SYMPK: variants seen among roughly 807,000 people sequenced by gnomAD.
SYMPK encodes the protein symplekin scaffold protein.
In SYMPK, 49 loss-of-function variants were observed where a neutral mutation model predicts 136.4. The observed-to-expected ratio is 0.36, with a 90% CI of 0.29 to 0.46. The LOEUF (loss-of-function observed/expected upper bound fraction) is 0.46. SYMPK is among the 20% of genes least tolerant of loss of function. The probability of loss-of-function intolerance (pLI) is 1.00; values close to 1 mark genes in which losing one functional copy is unlikely to be tolerated. For synonymous variants in SYMPK, 766 were observed against 713.0 expected (o/e 1.07, Z -1.19); for missense variants, 1,365 against 1,690.0 (o/e 0.81, Z 3.37).
At chr19:45,853,209 G>T (rs898082193) in intron 3 of SYMPK, among the ~76,000 whole-genome samples, 1 of 152,176 alleles carries the variant, frequency 6.6e-6, no homozygotes, top group Non-Finnish European at 1.5e-5. Flanking sequence ...GGAGCCGAAC[G>T]GGTTCTCACA....
chr19:45,834,947 C>T (rs1449431780), intron 11 of SYMPK, 131 bp downstream of exon 11: 3 of 792,848 alleles, frequency 3.8e-6, no homozygotes, highest in Non-Finnish European at 5.5e-6. Flanking sequence ...ATCTGTGGTA[C>T]CTGTCATTAT....
intron 5 of SYMPK, among the ~76,000 whole-genome samples, chr19:45,849,828 C>G (rs1971654773): frequency 6.6e-6 from 1 of 151,900 alleles, no homozygotes; most frequent in African/African-American, 2.4e-5. Flanking sequence ...GGTGGGTCAC[C>G]TGAGGTCAGG....
chr19:45,861,862 C>G (rs887151986), intron 1 of SYMPK: 3 of 151,804 alleles, frequency 2.0e-5, no homozygotes, highest in Non-Finnish European at 4.4e-5. Context: ...CTGGCCAACA[C>G]AGAGAAACCC....
At chr19:45,834,161 G>A (rs570030469) in intron 11 of SYMPK, among the ~76,000 whole-genome samples, 6 of 152,232 alleles carry the variant, frequency 3.9e-5, no homozygotes, top group South Asian at 2.1e-4. Context: ...GGTGGCAGGC[G>A]CCTGTAGTCC....
At chr19:45,828,203 G>A (rs1334426958) in intron 14 of SYMPK, 1 of 379,644 alleles carries the variant, frequency 2.6e-6, no homozygotes, top group African/African-American at 2.1e-5. Flanking sequence ...ATGATGGCGG[G>A]TGGAGAAGGG....
intron 1 of SYMPK, among the ~76,000 whole-genome samples, chr19:45,860,984 G>A (rs191282476): frequency 6.6e-6 from 1 of 152,330 alleles, no homozygotes; most frequent in African/African-American, 2.4e-5. Flanking sequence ...TTACCACTAT[G>A]CTACAGTACT....
In SYMPK at chr19:45,815,574, T is replaced by G; in HGVS notation, c.3811A>C (p.Lys1271Gln). 6.4e-7 allele frequency: 1 copy of G among 1,551,936 alleles called. No homozygotes were observed. The highest frequency in any genetic ancestry group is 8.7e-7 in the Non-Finnish European group (1 of 1,145,484). Reference protein sequence around the residue: ...AAEDAREPEAKGNS With the variant: ...AAEDAREPEAQGNS ...CTCGAGCCCCGTCAGCTGTTCCCCT[T>G]GGCCTCGGGTTCCCTGGCGTCCTCG... The change falls in exon 27 of 27, where the codon AAG becomes CAG. Residue 1271 changes from lysine (K) to glutamine (Q), a missense_variant. Transcript: ENST00000245934.
rs1185684465 is a variant in SYMPK, at chr19:45,823,683, G to A, written c.2599+84C>T. The A allele has an allele frequency of 1.1e-5, 14 of 1,251,402 alleles. 1 individual carries two copies. In the Admixed American group the frequency reaches 2.6e-4, roughly 24 times the overall value. 77.5% of individuals were successfully genotyped at this position (1,251,402 alleles called of 1,614,324 possible). ...CCCGCAAGAGGTACGACCATCTGGG[G>A]ACCCAGCAGCTCAGATCCCCAGGGC... On this transcript the variant is annotated intron_variant, in intron 19 of 26. Transcript: ENST00000245934.
At chr19:45,817,249 G>C in intron 23 of SYMPK, 1 of 447,514 alleles carries the variant, frequency 2.2e-6, no homozygotes. Context: ...AAGTGCTGCG[G>C]GAGCACCTCT....
intron 3 of SYMPK, among the ~76,000 whole-genome samples, chr19:45,852,912 T>C (rs1971730661): frequency 6.6e-6 from 1 of 152,114 alleles, no homozygotes; most frequent in African/African-American, 2.4e-5. Context: ...GTCCATCAGT[T>C]CTCCCCACTC....
intron 9 of SYMPK, among the ~76,000 whole-genome samples, 187 bp downstream of exon 9, chr19:45,842,063 C>T (rs1277717724): frequency 3.3e-5 from 5 of 151,950 alleles, no homozygotes; most frequent in South Asian, 2.1e-4. Flanking sequence ...TCTTGAACCC[C>T]GGCCTCAAGT....
chr19:45,816,212 T>C, intron 25 of SYMPK, 29 bp from the exon 26 acceptor site: 1 of 1,448,548 alleles, frequency 6.9e-7, no homozygotes, highest in Non-Finnish European at 9.2e-7. Context: ...ACACAGAAGC[T>C]CAGAGGTGGG....
Position 45,816,557 on chromosome 19 carries a change from G to A in SYMPK, c.3279C>T (p.Ser1093=), listed in dbSNP as rs760727119. 1.2e-6 allele frequency: 2 copies of A among 1,613,780 alleles called. No homozygotes were observed. Among genetic ancestry groups the A allele is most frequent in the South Asian group, 2.2e-5 (2 of 91,080 alleles). ...CGCTGGCCTCCAAGATGGTCATGAT[G>A]GAGTTAGGGATGTGAGCTTGCTGGG... The part of the protein sequence containing the change: ...TPHQQAHIPN[S]IMTILEASGK... The change falls in exon 25 of 27, where the codon TCC becomes TCT. Residue 1093 remains serine (S), a synonymous_variant. Transcript: ENST00000245934.
chr19:45,844,237 G>C (rs764425053), intron 7 of SYMPK, 37 bp from the exon 8 acceptor site: 3 of 1,503,062 alleles, frequency 2.0e-6, no homozygotes, highest in Non-Finnish European at 2.7e-6. Context: ...AGTGGGATCC[G>C]TTTTCCCAGG....
chr19:45,829,949 G>T, intron 13 of SYMPK, 105 bp downstream of exon 13: 1 of 1,341,168 alleles, frequency 7.5e-7, no homozygotes, highest in Non-Finnish European at 1.0e-6. Flanking sequence ...GCTGGGGTCC[G>T]CAGCCAGGGA....
chr19:45,848,665 G>A (rs1971623156), intron 6 of SYMPK, 85 bp downstream of exon 6: 22 of 1,574,304 alleles, frequency 1.4e-5, no homozygotes, highest in Non-Finnish European at 1.7e-5. Context: ...GAGTATGCTC[G>A]GATGCTGGTT....
intron 1 of SYMPK, among the ~76,000 whole-genome samples, chr19:45,857,261 T>A (rs538919364): frequency 2.6e-3 from 387 of 149,710 alleles, no homozygotes; most frequent in African/African-American, 8.3e-3. Flanking sequence ...TACAAAAAAA[T>A]ATGCCGGGCA....
Position 45,827,597 on chromosome 19 carries a change from T to C in SYMPK, c.2094A>G (p.Thr698=), listed in dbSNP as rs765132576. 6.2e-7 allele frequency: 1 copy of C among 1,614,066 alleles called. No homozygotes were observed. The highest frequency in any genetic ancestry group is 8.5e-7 in the Non-Finnish European group (1 of 1,179,988). The part of the protein sequence containing the change: ...DESRTYLGMS[T]LRDLIFKRPS... ...GGCGCTTGAAGATCAGGTCTCGAAG[T>C]GTGGACATGCCCAGATAGGTGCGAC... Residue 698 remains threonine, a synonymous_variant, in exon 16 of 27, where the codon ACA becomes ACG. Transcript: ENST00000245934.
In SYMPK at chr19:45,842,299, G is replaced by T. The variant is rs760386272; in HGVS notation, c.1038C>A (p.Arg346=). 1.3e-5 allele frequency: 21 copies of T among 1,614,102 alleles called. No individual in the cohort carries two copies. The highest frequency in any genetic ancestry group is 1.7e-5 in the Non-Finnish European group (20 of 1,180,056). The change falls in exon 9 of 27, where the codon CGC becomes CGA. Residue 346 remains arginine, a synonymous_variant. Transcript: ENST00000245934. Reference sequence around the variant, plus strand: ...AGTCCGAGTCATCGCGGGGCCGCTTGCGGGTGTCCTTGCTGCTCGGCATGT... The same window carrying T: ...AGTCCGAGTCATCGCGGGGCCGCTTTCGGGTGTCCTTGCTGCTCGGCATGT... The part of the protein sequence containing the change: ...ARNMPSSKDT[R]KRPRDDSDST...
Sources: gnomAD v4.1 joint callset for allele counts (sites outside exome capture counted in the v4.1 genomes callset) on GRCh38, gnomAD v4.1.1 for gene constraint, MANE v1.5 for transcripts, NCBI Gene and HGNC (gene_info 2026-07-23, HGNC 2026-07-21) for gene names.